VEZT: variants seen among roughly 807,000 people sequenced by gnomAD.
The protein encoded by VEZT is vezatin, adherens junctions transmembrane protein.
VEZT carries 39 observed loss-of-function variants against 79.9 expected under a neutral mutation model. The observed-to-expected ratio is 0.49, with a 90% confidence interval of 0.38 to 0.64. The LOEUF (loss-of-function observed/expected upper bound fraction) is 0.64, where lower values mean the gene tolerates loss of function less well. Ranked by LOEUF, VEZT falls within the 30% of genes least tolerant of loss-of-function variation. VEZT has a pLI of 0.00. For missense variants in VEZT, 837 were observed against 893.1 expected, an observed-to-expected ratio of 0.94 and a Z score of 0.80; for synonymous variants, 325 against 327.6, an observed-to-expected ratio of 0.99 and a Z score of 0.09.
intron 9 of VEZT, among the ~76,000 whole-genome samples, chr12:95,288,080 A>G (rs2071455395): frequency 2.0e-5 from 3 of 152,204 alleles, no homozygotes; most frequent in Admixed American, 2.0e-4. Flanking sequence ...AAGTTCAGTG[A>G]ATCATATCTC....
intron 3 of VEZT, chr12:95,258,142 C>T: frequency 7.3e-6 from 3 of 411,300 alleles, no homozygotes; most frequent in Non-Finnish European, 1.5e-5. Context: ...TTTAGCAATC[C>T]AAATTGTCAA....
intron 6 of VEZT, among the ~76,000 whole-genome samples, chr12:95,273,285 C>A (rs377180256): frequency 7.2e-5 from 11 of 151,848 alleles, no homozygotes; most frequent in Middle Eastern, 3.2e-3. Flanking sequence ...TTGTATCCTT[C>A]AATTTGTGCA....
chr12:95,295,677 CCA>C (rs930454646), intron 10 of VEZT, among the ~76,000 whole-genome samples: 1 of 152,118 alleles, frequency 6.6e-6, no homozygotes, highest in Non-Finnish European at 1.5e-5. Flanking sequence ...TCTGAAAGAA[CCA>C]CAAGAAAACA....
chr12:95,261,108 C>A (rs1449988891), intron 3 of VEZT, among the ~76,000 whole-genome samples: 1 of 151,518 alleles, frequency 6.6e-6, no homozygotes, highest in Non-Finnish European at 1.5e-5. Flanking sequence ...TATCTAAATG[C>A]ACCTAATATT....
rs1188812760 is a variant in VEZT at position 95,289,085 on chromosome 12, AAAAAAAATAAATAAATAAAT to A, written c.1522+1232_1522+1251del. Among the ~76,000 whole-genome samples the A allele has an allele frequency of 8.0e-5, 7 of 87,162 alleles. 1 individual carries two copies. The highest frequency in any genetic ancestry group is 4.7e-4 in the Admixed American group (4 of 8,476). The allele number at this position is 87,162 out of a possible 152,430, so 57.2% of individuals were successfully genotyped here. A position where few individuals can be genotyped will look rare whatever the true frequency, so the allele number is the denominator to read the frequency against. ...CAACAGAGCGAGACTCCGTCTCAAA[AAAAAAAATAAATAAATAAAT>A]AAATAAATAAATAAATAAATAAATA... On this transcript the variant is annotated intron_variant, in intron 9 of 11. Coordinates refer to ENST00000436874, the MANE Select transcript of VEZT (RefSeq NM_017599.4).
chr12:95,276,652 G>T (rs2139054901), intron 7 of VEZT, among the ~76,000 whole-genome samples: 1 of 152,128 alleles, frequency 6.6e-6, no homozygotes, highest in Admixed American at 6.5e-5. Flanking sequence ...ATGTTTCTTT[G>T]TTTTTAGTTT....
At chr12:95,221,897 G>C (rs969802136) in intron 1 of VEZT, among the ~76,000 whole-genome samples, 3 of 151,876 alleles carry the variant, frequency 2.0e-5, no homozygotes, top group Non-Finnish European at 4.4e-5. Context: ...AACTATACAG[G>C]ATAACAACTA....
At chr12:95,228,766 G>T (rs1309324294) in intron 1 of VEZT, among the ~76,000 whole-genome samples, 2 of 152,160 alleles carry the variant, frequency 1.3e-5, no homozygotes, top group African/African-American at 4.8e-5. Flanking sequence ...CAATTTAGGA[G>T]GCTGCGGTTA....
chr12:95,272,002 TA>T (rs549480441), intron 6 of VEZT, among the ~76,000 whole-genome samples: 11 of 150,164 alleles, frequency 7.3e-5, no homozygotes, highest in South Asian at 2.1e-4. Flanking sequence ...CCTTGTCTCT[TA>T]AAAAAAAAAT....
At chr12:95,274,499 C>T (rs538561909) in intron 6 of VEZT, among the ~76,000 whole-genome samples, 1 of 152,054 alleles carries the variant, frequency 6.6e-6, no homozygotes, top group Admixed American at 6.6e-5. Flanking sequence ...CACTTTAACC[C>T]TTTTGAAGAC....
chr12:95,224,318 C>CTT (rs62851660), intron 1 of VEZT: 226 of 408,148 alleles, frequency 5.5e-4, no homozygotes, highest in South Asian at 7.4e-4. Context: ...AAAGCCACAA[C>CTT]TTTTTTTTTT....
chr12:95,260,681 G>A (rs962604172), intron 3 of VEZT, among the ~76,000 whole-genome samples: 2 of 152,120 alleles, frequency 1.3e-5, no homozygotes, highest in African/African-American at 4.8e-5. Context: ...CTCATAAAAG[G>A]TATGGTCTAA....
At chr12:95,264,808 T>TTAC (rs1225870646) in intron 4 of VEZT, among the ~76,000 whole-genome samples, 1 of 110,188 alleles carries the variant, frequency 9.1e-6, no homozygotes, top group East Asian at 2.5e-4. Flanking sequence ...TTTCCAAATA[T>TTAC]TGCTGTTTTT....
At chr12:95,227,268 A>AT (rs947417145) in intron 1 of VEZT, among the ~76,000 whole-genome samples, 1 of 151,782 alleles carries the variant, frequency 6.6e-6, no homozygotes, top group African/African-American at 2.4e-5. Flanking sequence ...TCAGGTGATT[A>AT]TCTCATCTCA....
In VEZT at chr12:95,232,031, G is replaced by C. The variant is rs566759925; in HGVS notation, c.36+14145G>C. On this transcript the variant is annotated intron_variant, in intron 1 of 11. Coordinates refer to ENST00000436874, the MANE Select transcript of VEZT (RefSeq NM_017599.4). ...TTTATTTTGTGATACTCTGCAGCTAGCCTGGAAAAACATGGAAATCATAGC... is the reference window on the plus strand; with the variant it reads ...TTTATTTTGTGATACTCTGCAGCTACCCTGGAAAAACATGGAAATCATAGC... Among the ~76,000 whole-genome samples, 3 of 152,110 alleles carry C rather than the reference G, an allele frequency of 2.0e-5. No individual in the cohort carries two copies. In the South Asian group the frequency reaches 6.2e-4, roughly 31 times the overall value.
chr12:95,257,839 TG>T (rs2063711252), intron 3 of VEZT, among the ~76,000 whole-genome samples: 1 of 152,238 alleles, frequency 6.6e-6, no homozygotes, highest in South Asian at 2.1e-4. Context: ...TTATCATTCC[TG>T]TAAATTAACA....
intron 2 of VEZT, among the ~76,000 whole-genome samples, chr12:95,254,332 C>T (rs1286294468): frequency 7.1e-6 from 1 of 141,554 alleles, no homozygotes; most frequent in South Asian, 2.3e-4. Flanking sequence ...TTTTCTAAAA[C>T]GAAGTTCTTT....
At chr12:95,221,623 G>A (rs1428916201) in intron 1 of VEZT, among the ~76,000 whole-genome samples, 1 of 150,102 alleles carries the variant, frequency 6.7e-6, no homozygotes, top group Non-Finnish European at 1.5e-5. Flanking sequence ...TAGGAATATT[G>A]CTTGAAGCCA....
At chr12:95,248,312 T>C (rs185656055) in intron 1 of VEZT, among the ~76,000 whole-genome samples, 1 of 152,326 alleles carries the variant, frequency 6.6e-6, no homozygotes, top group Non-Finnish European at 1.5e-5. Context: ...TGATCTGTGA[T>C]ATATAAAGTG....
Sources: allele counts gnomAD v4.1 joint callset (sites outside exome capture counted in the v4.1 genomes callset), GRCh38; gene constraint gnomAD v4.1.1; transcripts MANE v1.5; gene names NCBI Gene and HGNC (gene_info 2026-07-23, HGNC 2026-07-21).